The following OPCML variants were observed in gnomAD, a reference collection of about 807,000 sequenced individuals.
OPCML encodes the protein opioid binding protein/cell adhesion molecule like.
In OPCML, 13 loss-of-function variants were observed where a neutral mutation model predicts 37.8. The observed-to-expected ratio is 0.34, with a 90% CI of 0.22 to 0.55. The LOEUF is 0.55. OPCML is among the 20% of genes least tolerant of loss of function. The pLI, the probability that OPCML is intolerant of heterozygous loss-of-function variation, is 0.91. For missense variants in OPCML, 341 were observed against 435.6 expected, an observed-to-expected ratio of 0.78 and a Z score of 1.93; for synonymous variants, 176 against 168.8, an observed-to-expected ratio of 1.04 and a Z score of -0.33.
chr11:133,120,498 G>C (rs7114055), intron 1 of OPCML, among the ~76,000 whole-genome samples: 12,194 of 152,178 alleles, frequency 0.08, 1,617 homozygotes, highest in African/African-American at 0.27. Flanking sequence ...TGAATCAACT[G>C]ATAGGATTCT....
intron 1 of OPCML, among the ~76,000 whole-genome samples, chr11:132,967,225 A>T (rs2136742742): frequency 6.6e-6 from 1 of 152,188 alleles, no homozygotes; most frequent in East Asian, 1.9e-4. Context: ...GTCTTAACTT[A>T]TCAGAATCTA....
At chr11:133,209,407 A>C (rs1939256419) in intron 1 of OPCML, among the ~76,000 whole-genome samples, 1 of 152,220 alleles carries the variant, frequency 6.6e-6, no homozygotes, top group Non-Finnish European at 1.5e-5. Context: ...TCTTAATGCC[A>C]CAAAATTAAG....
At chr11:133,424,215 C>T (rs1303608305) in intron 1 of OPCML, among the ~76,000 whole-genome samples, 1 of 152,144 alleles carries the variant, frequency 6.6e-6, no homozygotes, top group Admixed American at 6.5e-5. Flanking sequence ...CTGAAGAGGG[C>T]CCTTTGCTTG....
intron 4 of OPCML, among the ~76,000 whole-genome samples, chr11:132,495,250 G>A (rs1432620668): frequency 2.6e-5 from 4 of 152,152 alleles, no homozygotes; most frequent in Non-Finnish European, 5.9e-5. Context: ...TTGAATAAGA[G>A]TGACAAGGGC....
At chr11:133,272,745 A>G (rs1941886328) in intron 1 of OPCML, among the ~76,000 whole-genome samples, 2 of 152,158 alleles carry the variant, frequency 1.3e-5, no homozygotes, top group South Asian at 4.1e-4. Context: ...ATACATATCA[A>G]TTTGTTCCCT....
At chr11:132,560,943 GT>G (rs2096409377) in intron 3 of OPCML, among the ~76,000 whole-genome samples, 1 of 151,692 alleles carries the variant, frequency 6.6e-6, no homozygotes, top group Non-Finnish European at 1.5e-5. Context: ...ATTTATCTTT[GT>G]TTTTGTTGCA....
At chr11:133,137,546 A>C (rs755167672) in intron 1 of OPCML, among the ~76,000 whole-genome samples, 1 of 152,168 alleles carries the variant, frequency 6.6e-6, no homozygotes, top group African/African-American at 2.4e-5. Context: ...GTAAGAGTCA[A>C]TATCATGCTG....
chr11:132,839,710 C>T (rs546705078), intron 2 of OPCML, among the ~76,000 whole-genome samples: 1 of 152,282 alleles, frequency 6.6e-6, no homozygotes, highest in East Asian at 1.9e-4. Flanking sequence ...GAATAAAATA[C>T]GGATCAGATG....
intron 1 of OPCML, among the ~76,000 whole-genome samples, chr11:133,322,882 T>C (rs145042085): frequency 1.1e-3 from 174 of 152,352 alleles, no homozygotes; most frequent in African/African-American, 3.8e-3. Flanking sequence ...CCGACAAATA[T>C]TAGTTGAAAG....
intron 4 of OPCML, among the ~76,000 whole-genome samples, chr11:132,467,995 G>A (rs536562597): frequency 1.3e-5 from 2 of 152,152 alleles, no homozygotes; most frequent in Admixed American, 6.5e-5. Context: ...TGATCTCCAC[G>A]CTGACAAACC....
rs751099182 is a variant in OPCML at position 132,709,662 on chromosome 11, G to A, written c.147-52343C>T. ...GTGTTGTCCACCAGAATCCTCCACC[G>A]TAAAGTTACAGTTTTGCCCTTTCCA... On this transcript the variant is annotated intron_variant, in intron 2 of 7. Transcript: ENST00000524381. Among the ~76,000 whole-genome samples the A allele has an allele frequency of 4.6e-5, 7 of 152,078 alleles. No homozygotes were observed. The South Asian group carries it at 6.2e-4, about 13-fold the overall frequency.
intron 2 of OPCML, among the ~76,000 whole-genome samples, chr11:132,744,353 C>T (rs767080121): frequency 2.6e-5 from 4 of 152,152 alleles, no homozygotes; most frequent in Non-Finnish European, 4.4e-5. Context: ...TGTTTTGAAA[C>T]TTTTGCCTCC....
chr11:133,186,857 A>C (rs971912527), intron 1 of OPCML, among the ~76,000 whole-genome samples: 1 of 152,076 alleles, frequency 6.6e-6, no homozygotes, highest in African/African-American at 2.4e-5. Context: ...GGGTGAGGGA[A>C]CTGAGGCTGG....
chr11:132,817,574 T>G (rs1939705885), intron 2 of OPCML, among the ~76,000 whole-genome samples: 1 of 152,182 alleles, frequency 6.6e-6, no homozygotes, highest in African/African-American at 2.4e-5. Flanking sequence ...TGCCTATGCT[T>G]CAGAGGTGAT....
chr11:132,827,301 G>A (rs1219356871), intron 2 of OPCML, among the ~76,000 whole-genome samples: 2 of 152,160 alleles, frequency 1.3e-5, no homozygotes, highest in African/African-American at 4.8e-5. Context: ...TATCAAATAA[G>A]TATATGAAGA....
At chr11:132,543,589 T>TA (rs771018901) in intron 3 of OPCML, among the ~76,000 whole-genome samples, 2 of 151,696 alleles carry the variant, frequency 1.3e-5, no homozygotes, top group Middle Eastern at 3.4e-3. Flanking sequence ...GTATTTCCAC[T>TA]AAAAAAAATT....
At chr11:133,421,120 C>T (rs1016366226) in intron 1 of OPCML, 1 of 985,344 alleles carries the variant, frequency 1.0e-6, no homozygotes, top group Non-Finnish European at 1.2e-6. Flanking sequence ...ACCAAATGTT[C>T]TCCAAGCTAA....
chr11:132,804,675 C>G (rs1938892584), intron 2 of OPCML, among the ~76,000 whole-genome samples: 1 of 152,174 alleles, frequency 6.6e-6, no homozygotes, highest in African/African-American at 2.4e-5. Flanking sequence ...ATGCTAAACT[C>G]TCTCTAGAAA....
intron 2 of OPCML, among the ~76,000 whole-genome samples, chr11:132,677,372 T>C (rs1186934118): frequency 6.6e-6 from 1 of 152,130 alleles, no homozygotes; most frequent in East Asian, 1.9e-4. Flanking sequence ...CCCTGAAAGC[T>C]ATGAAAGTTA....
Sources: gnomAD v4.1 joint callset for allele counts (sites outside exome capture counted in the v4.1 genomes callset) on GRCh38, gnomAD v4.1.1 for gene constraint, MANE v1.5 for transcripts, NCBI Gene and HGNC (gene_info 2026-07-23, HGNC 2026-07-21) for gene names.